Variants in TBX18 observed in about 807,000 individuals in gnomAD.
The protein encoded by TBX18 is T-box transcription factor TBX18.
A neutral mutation model predicts 55.0 loss-of-function variants in TBX18; 21 were observed. The observed-to-expected ratio is 0.38, with a 90% CI of 0.27 to 0.55. TBX18 has a LOEUF of 0.55. Ranked by LOEUF, TBX18 falls within the 20% of genes least tolerant of loss-of-function variation. The pLI, the probability that TBX18 is intolerant of heterozygous loss-of-function variation, is 0.73. For synonymous variants in TBX18, 342 were observed against 326.1 expected (o/e 1.05, Z -0.53); for missense variants, 840 against 799.6 (o/e 1.05, Z -0.61).
chr6:84,762,545 T>C lies in TBX18; in HGVS notation c.496A>G (p.Arg166Gly). Reference sequence around the variant, plus strand: ...CGTCCACGCCAGCTTGCCCATTACCTGCCGGCCTTGGTGATGATCATCTCA... The same window carrying C: ...CGTCCACGCCAGCTTGCCCATTACCCGCCGGCCTTGGTGATGATCATCTCA... ...GTEMIITKAG[R>G]RMFPAMRVKI... The change falls in exon 2 of 8, where the codon AGG becomes GGG. Residue 166 changes from arginine (R) to glycine (G), a missense_variant and splice_region_variant. Physicochemically the swap from Arg to Gly is moderately radical, Grantham distance 125. Coordinates refer to ENST00000369663, the MANE Select transcript of TBX18 (RefSeq NM_001080508.3). The C allele has an allele frequency of 6.2e-7, 1 of 1,614,026 alleles. No individual in the cohort carries two copies. The highest frequency in any genetic ancestry group is 8.5e-7 in the Non-Finnish European group (1 of 1,180,016).
chr6:84,740,466 A>T (rs1767018340), intron 6 of TBX18, among the ~76,000 whole-genome samples: 1 of 152,170 alleles, frequency 6.6e-6, no homozygotes, highest in African/African-American at 2.4e-5. Flanking sequence ...CAAACCAGTC[A>T]TCATATCTGT....
chr6:84,750,640 G>T (rs772965334), intron 4 of TBX18, among the ~76,000 whole-genome samples: 8 of 152,104 alleles, frequency 5.3e-5, no homozygotes, highest in African/African-American at 1.7e-4. Flanking sequence ...TGGGTCCCTT[G>T]GCCCATGCTC....
At chr6:84,763,734 A>G (rs55836416) in intron 1 of TBX18, among the ~76,000 whole-genome samples, 156 bp downstream of exon 1, 11,708 of 152,208 alleles carry the variant, frequency 0.077, 1,505 homozygotes, top group African/African-American at 0.27. Flanking sequence ...GAGGGTGACC[A>G]GGTTGCGCGG....
At chr6:84,751,692 T>G (rs187302959) in intron 4 of TBX18, among the ~76,000 whole-genome samples, 1 of 152,290 alleles carries the variant, frequency 6.6e-6, no homozygotes, top group Non-Finnish European at 1.5e-5. Flanking sequence ...TGCTGCACAC[T>G]TGCACAGATT....
At chr6:84,752,641 C>T (rs1767381176) in intron 4 of TBX18, among the ~76,000 whole-genome samples, 1 of 152,158 alleles carries the variant, frequency 6.6e-6, no homozygotes, top group East Asian at 1.9e-4. Flanking sequence ...AAGTGACTTG[C>T]CAACAAACAC....
intron 3 of TBX18, 50 bp downstream of exon 3, chr6:84,760,205 C>T (rs1215712860): frequency 3.2e-6 from 4 of 1,232,778 alleles, no homozygotes; most frequent in Non-Finnish European, 2.2e-6. Context: ...CACTAGCCTG[C>T]AAAATCCTAG....
intron 4 of TBX18, among the ~76,000 whole-genome samples, chr6:84,755,519 A>T (rs1057459704): frequency 6.6e-6 from 1 of 152,268 alleles, no homozygotes; most frequent in Non-Finnish European, 1.5e-5. Context: ...TAATTGTTAC[A>T]ACTTGACTGT....
At position 84,734,112 on chromosome 6, in the gene TBX18, T is replaced by A. The variant is rs1339801327; in HGVS notation, c.*2573A>T. 1 of 152,216 alleles carries A rather than the reference T, an allele frequency of 6.6e-6. No individual in the cohort carries two copies. Among genetic ancestry groups the A allele is most frequent in the Non-Finnish European group, 1.5e-5 (1 of 68,052 alleles). 9.4% of individuals were successfully genotyped at this position (152,216 alleles called of 1,614,324 possible). ...GTTTACTAGTCAAGGGGCATAGAAG[T>A]AATCTGTCATCACTAGTCAGTGGTG... On this transcript the variant is annotated 3_prime_UTR_variant, in exon 8 of 8. Transcript: ENST00000369663.
At chr6:84,754,688 AGAT>A (rs1767439346) in intron 4 of TBX18, among the ~76,000 whole-genome samples, 1 of 152,214 alleles carries the variant, frequency 6.6e-6, no homozygotes, top group Admixed American at 6.5e-5. Flanking sequence ...CACAGTACCC[AGAT>A]ACTTGGTCAA....
chr6:84,738,267 G>A (rs1218638454), intron 7 of TBX18, among the ~76,000 whole-genome samples: 1 of 152,092 alleles, frequency 6.6e-6, no homozygotes, highest in Non-Finnish European at 1.5e-5. Flanking sequence ...TGAGGTAAAG[G>A]TCATGAAATA....
rs778292563 is a variant in TBX18, at chr6:84,737,225, G to A, written c.1284C>T (p.Asn428=). 6.2e-7 allele frequency: 1 copy of A among 1,611,076 alleles called. No individual in the cohort carries two copies. The highest frequency in any genetic ancestry group is 8.5e-7 in the Non-Finnish European group (1 of 1,178,264). ...TCTCTGCCAAAGATGTGCTGTATCG[G>A]TTGAGGGTGAGGCCTGAGCGGGCAC... ...SACARSGLTL[N]RYSTSLAETY... is the part of the protein sequence containing the mutation. Residue 428 remains asparagine (N), a synonymous_variant, in exon 8 of 8, where the codon AAC becomes AAT. Coordinates refer to ENST00000369663, the MANE Select transcript of TBX18 (RefSeq NM_001080508.3).
chr6:84,738,590 T>C lies in TBX18; in HGVS notation c.1006A>G (p.Met336Val). 4 of 1,613,294 alleles carry C rather than the reference T, an allele frequency of 2.5e-6. No homozygotes were observed. The highest frequency in any genetic ancestry group is 3.4e-6 in the Non-Finnish European group (4 of 1,179,442). The change falls in exon 7 of 8, where the codon ATG (methionine) becomes GTG (valine). Residue 336 changes from methionine to valine, a missense_variant and splice_region_variant. Coordinates refer to ENST00000369663, the MANE Select transcript of TBX18 (RefSeq NM_001080508.3). ...GATTCCACCAAGGCTTCCAAACCCA[T>C]TCTAAATGGAAAGGGTCAGGATAGG... ...KGFRDSGRNRMGLEALVESYA... is the reference protein window; with the variant it reads ...KGFRDSGRNRVGLEALVESYA...
chr6:84,749,757 T>G (rs752049564), intron 4 of TBX18, among the ~76,000 whole-genome samples: 136 of 151,836 alleles, frequency 9.0e-4, no homozygotes, highest in Non-Finnish European at 1.2e-3. Flanking sequence ...ACTTATGAAA[T>G]CAACATGAAG....
At chr6:84,758,998 G>C (rs1767572465) in intron 3 of TBX18, among the ~76,000 whole-genome samples, 1 of 151,912 alleles carries the variant, frequency 6.6e-6, no homozygotes, top group Non-Finnish European at 1.5e-5. Flanking sequence ...AAATAAATAG[G>C]AGACAAACTT....
intron 2 of TBX18, 91 bp downstream of exon 2, chr6:84,762,453 G>T: frequency 1.4e-6 from 2 of 1,449,818 alleles, no homozygotes; most frequent in Non-Finnish European, 1.9e-6. Context: ...AACCCCCACC[G>T]AGCTGCAGGC....
In TBX18 at chr6:84,744,254, G is replaced by A. The variant is rs1254422814; in HGVS notation, c.1004+7C>T. The A allele has an allele frequency of 6.8e-6, 11 of 1,610,186 alleles. No homozygotes were observed. The highest frequency in any genetic ancestry group is 9.3e-6 in the Non-Finnish European group (11 of 1,177,856). On this transcript the variant is annotated splice_region_variant and intron_variant, in intron 6 of 7. Coordinates refer to ENST00000369663, the MANE Select transcript of TBX18 (RefSeq NM_001080508.3). The stretch of plus-strand genomic sequence containing the variant: ...TCATAACCGGAATGGTCTTCACTAA[G>A]GCCCACCTGTTGCGCCCGGAGTCTC...
At chr6:84,737,505 G>C in intron 7 of TBX18, 96 bp from the exon 8 acceptor site, 2 of 1,356,664 alleles carry the variant, frequency 1.5e-6, no homozygotes, top group Non-Finnish European at 1.9e-6. Context: ...TACAAGGCAA[G>C]GGTTGGAGGA....
chr6:84,738,525 A>C lies in TBX18; in HGVS notation c.1071T>G (p.Phe357Leu), dbSNP rs754317108. 1 of 1,614,102 alleles carries C rather than the reference A, an allele frequency of 6.2e-7. No individual in the cohort carries two copies. Among genetic ancestry groups the C allele is most frequent in the East Asian group, 2.2e-5 (1 of 44,880 alleles). ...FWRPSLRTLT[F>L]EDIPGIPKQG... ...GCTTGGGAATTCCAGGGATATCTTCAAAGGTCAGAGTCCGTAGTGATGGTC... is the reference window on the plus strand; with the variant it reads ...GCTTGGGAATTCCAGGGATATCTTCCAAGGTCAGAGTCCGTAGTGATGGTC... The change falls in exon 7 of 8, where the codon TTT (phenylalanine) becomes TTG (leucine). Residue 357 changes from phenylalanine to leucine, a missense_variant. Phe to Leu is a conservative substitution (Grantham distance 22, BLOSUM62 0). Coordinates refer to ENST00000369663, the MANE Select transcript of TBX18 (RefSeq NM_001080508.3).
intron 5 of TBX18, among the ~76,000 whole-genome samples, chr6:84,746,450 T>G (rs952099617): frequency 6.8e-6 from 1 of 147,180 alleles, no homozygotes; most frequent in Non-Finnish European, 1.5e-5. Context: ...ATATAATATT[T>G]CGTATATTAT....
Sources: gnomAD v4.1 joint callset for allele counts (sites outside exome capture counted in the v4.1 genomes callset) on GRCh38, gnomAD v4.1.1 for gene constraint, MANE v1.5 for transcripts, NCBI Gene and HGNC (gene_info 2026-07-23, HGNC 2026-07-21) for gene names.